The following DNAJC3 variants were observed in gnomAD, a reference collection of about 807,000 sequenced individuals.
DNAJC3 encodes the protein DnaJ heat shock protein family (Hsp40) member C3.
In DNAJC3, 38 loss-of-function variants were observed where a neutral mutation model predicts 68.6. The observed-to-expected ratio is 0.55, with a 90% CI of 0.43 to 0.73. The LOEUF (loss-of-function observed/expected upper bound fraction) is 0.73, where lower values mean the gene tolerates loss of function less well. DNAJC3 is among the 30% of genes least tolerant of loss of function. DNAJC3 has a pLI of 0.00. For missense variants in DNAJC3, 526 were observed against 591.9 expected (o/e 0.89, Z 1.16); for synonymous variants, 203 against 204.0 (o/e 1.00, Z 0.04).
intron 9 of DNAJC3, among the ~76,000 whole-genome samples, chr13:95,770,842 CT>C (rs1883137078): frequency 6.6e-6 from 1 of 152,112 alleles, no homozygotes; most frequent in Non-Finnish European, 1.5e-5. Flanking sequence ...AGATCTTTCC[CT>C]TTGTTGTCTT....
intron 4 of DNAJC3, among the ~76,000 whole-genome samples, chr13:95,741,019 A>G (rs562989308): frequency 6.6e-6 from 1 of 151,986 alleles, no homozygotes; most frequent in South Asian, 2.1e-4. Flanking sequence ...GAGCTTATTT[A>G]GTGTCATTAT....
At position 95,794,116 on chromosome 13, in the gene DNAJC3, T is replaced by TA. The variant is rs1883886709; in HGVS notation, c.*3091dup. On this transcript the variant is annotated 3_prime_UTR_variant, in exon 12 of 12. Transcript: ENST00000602402. ...CAATGCCTTTCTCTTTAGTCAGTAT[T>TA]AAAAATCTTTTTTAAAGTATTGGTA... 6.6e-6 allele frequency: 1 copy of TA among 152,248 alleles called. No individual in the cohort carries two copies. Among genetic ancestry groups the TA allele is most frequent in the Admixed American group, 6.5e-5 (1 of 15,292 alleles). 9.4% of individuals were successfully genotyped at this position (152,248 alleles called of 1,614,324 possible). A position where few individuals can be genotyped will look rare whatever the true frequency, so the allele number is the denominator to read the frequency against.
intron 1 of DNAJC3, among the ~76,000 whole-genome samples, chr13:95,700,359 A>G (rs1451595034): frequency 6.6e-6 from 1 of 152,198 alleles, no homozygotes; most frequent in African/African-American, 2.4e-5. Flanking sequence ...AACCAGCTTC[A>G]AGTAATATGC....
In DNAJC3 at chr13:95,794,714, A is replaced by G. The variant is rs1378395156; in HGVS notation, c.*3684A>G. 1 of 152,194 alleles carries G rather than the reference A, an allele frequency of 6.6e-6. No homozygotes were observed. The allele number at this position is 152,194 out of a possible 1,614,324, so 9.4% of individuals were successfully genotyped here. A position where few individuals can be genotyped will look rare whatever the true frequency, so the allele number is the denominator to read the frequency against. On this transcript the variant is annotated 3_prime_UTR_variant, in exon 12 of 12. Coordinates refer to ENST00000602402, the MANE Select transcript of DNAJC3 (RefSeq NM_006260.5). ...TGTGTATAGTAACCGGTTTTGTTGC[A>G]CTTGTCTGTGGCTGAAACACTTACC...
intron 2 of DNAJC3, among the ~76,000 whole-genome samples, chr13:95,722,815 G>A (rs1164785625): frequency 2.0e-4 from 3 of 15,338 alleles, no homozygotes; most frequent in African/African-American, 3.9e-4. Flanking sequence ...CACCTTGTCC[G>A]CCCCCCCCCC....
At chr13:95,759,994 T>G (rs1023312903) in intron 5 of DNAJC3, 46 bp from the exon 6 acceptor site, 2 of 1,494,770 alleles carry the variant, frequency 1.3e-6, no homozygotes, top group Non-Finnish European at 1.8e-6. Context: ...ACAATGAATG[T>G]GCATAATTTA....
intron 1 of DNAJC3, among the ~76,000 whole-genome samples, chr13:95,682,937 G>A (rs1005435009): frequency 6.6e-6 from 1 of 152,150 alleles, no homozygotes; most frequent in Non-Finnish European, 1.5e-5. Context: ...CACTATGTGC[G>A]GGATACTGAA....
intron 9 of DNAJC3, among the ~76,000 whole-genome samples, chr13:95,783,696 C>T (rs376036372): frequency 2.0e-5 from 3 of 152,128 alleles, no homozygotes; most frequent in South Asian, 2.1e-4. Context: ...GGTGGTGGTT[C>T]GTTTCTGTAC....
At chr13:95,739,094 G>A (rs1215972324) in intron 4 of DNAJC3, among the ~76,000 whole-genome samples, 1 of 151,952 alleles carries the variant, frequency 6.6e-6, no homozygotes, top group South Asian at 2.1e-4. Context: ...GCTTAGTTTG[G>A]CTGGATATGC....
chr13:95,777,363 C>T (rs1025529072), intron 9 of DNAJC3, among the ~76,000 whole-genome samples: 2 of 152,158 alleles, frequency 1.3e-5, no homozygotes, highest in African/African-American at 4.8e-5. Flanking sequence ...CCAGGCTGCC[C>T]TGGCACCCAG....
intron 11 of DNAJC3, among the ~76,000 whole-genome samples, chr13:95,789,185 A>G (rs951383909): frequency 6.6e-6 from 1 of 152,032 alleles, no homozygotes; most frequent in Admixed American, 6.6e-5. Context: ...GTTCAGGGGT[A>G]CATGTGCAGG....
chr13:95,699,177 T>TAA, intron 1 of DNAJC3, among the ~76,000 whole-genome samples: 2 of 152,338 alleles, frequency 1.3e-5, no homozygotes, highest in Middle Eastern at 6.8e-3. Flanking sequence ...AGAATAATAA[T>TAA]TAATTCTCTC....
At chr13:95,699,984 A>C (rs1880543043) in intron 1 of DNAJC3, among the ~76,000 whole-genome samples, 1 of 152,092 alleles carries the variant, frequency 6.6e-6, no homozygotes, top group African/African-American at 2.4e-5. Context: ...CACCAGGCTC[A>C]TTTTTAAAAT....
At chr13:95,709,486 G>A (rs1465971535) in intron 2 of DNAJC3, 149 bp downstream of exon 2, 3 of 590,460 alleles carry the variant, frequency 5.1e-6, no homozygotes, top group South Asian at 2.5e-5. Context: ...CGAAATAGAT[G>A]GATAAAATAA....
At position 95,779,404 on chromosome 13, in the gene DNAJC3, A is replaced by C. The variant is rs9590324; in HGVS notation, c.1076-6535A>C. 8.5e-5 allele frequency among the ~76,000 whole-genome samples: 13 copies of C among 152,236 alleles called. No individual in the cohort carries two copies. In the South Asian group the frequency reaches 1.0e-3, roughly 12 times the overall value. On this transcript the variant is annotated intron_variant, in intron 9 of 11. Coordinates refer to ENST00000602402, the MANE Select transcript of DNAJC3 (RefSeq NM_006260.5). ...CTCCCAAAGTGCTGGGATTACAGGC[A>C]TGAGCCATCGCGCCCGGCCTAATAT...
intron 1 of DNAJC3, among the ~76,000 whole-genome samples, chr13:95,687,036 A>G (rs1051981995): frequency 4.6e-5 from 7 of 152,178 alleles, no homozygotes; most frequent in African/African-American, 1.7e-4. Flanking sequence ...TATTTATGAC[A>G]TATATGATTT....
chr13:95,725,298 G>A (rs1027856101), intron 4 of DNAJC3, 46 bp downstream of exon 4: 4 of 1,413,074 alleles, frequency 2.8e-6, no homozygotes, highest in Non-Finnish European at 3.8e-6. Flanking sequence ...TATTTTGAGA[G>A]AACGTATTTG....
intron 1 of DNAJC3, among the ~76,000 whole-genome samples, chr13:95,703,397 G>A (rs1470865574): frequency 6.6e-6 from 1 of 152,174 alleles, no homozygotes; most frequent in East Asian, 1.9e-4. Context: ...ATCAGTGACA[G>A]GAAGCATACA....
In DNAJC3 at chr13:95,791,121, C is replaced by CT. The variant is rs1019809109; in HGVS notation, c.*95dup. On this transcript the variant is annotated 3_prime_UTR_variant, in exon 12 of 12. Transcript: ENST00000602402. The stretch of plus-strand genomic sequence containing the variant: ...ACCCTAATGAAAAAAAATTTCAAAT[C>CT]TTTTCAGTTTGTCCATGACCAAAGA... 1 of 1,468,040 alleles carries CT rather than the reference C, an allele frequency of 6.8e-7. No individual in the cohort carries two copies. Among genetic ancestry groups the CT allele is most frequent in the African/African-American group, 1.4e-5 (1 of 70,048 alleles). The allele number at this position is 1,468,040 out of a possible 1,614,324, so 90.9% of individuals were successfully genotyped here. A position where few individuals can be genotyped will look rare whatever the true frequency, so the allele number is the denominator to read the frequency against.
Sources: gnomAD v4.1 joint callset for allele counts (sites outside exome capture counted in the v4.1 genomes callset) on GRCh38, gnomAD v4.1.1 for gene constraint, MANE v1.5 for transcripts, NCBI Gene and HGNC (gene_info 2026-07-23, HGNC 2026-07-21) for gene names.